CFAP46: variants seen among roughly 807,000 people sequenced by gnomAD.
The protein encoded by CFAP46 is cilia and flagella associated protein 46.
CFAP46 carries 245 observed loss-of-function variants against 325.7 expected under a neutral mutation model. The ratio of observed to expected loss-of-function variants is 0.75; its 90% confidence interval spans 0.68 to 0.84. The LOEUF (loss-of-function observed/expected upper bound fraction) is 0.84, where lower values mean the gene tolerates loss of function less well. Among genes scored for constraint, CFAP46 ranks in the 40% least tolerant of loss-of-function variants. The pLI, the probability that CFAP46 is intolerant of heterozygous loss-of-function variation, is 0.00. For missense variants in CFAP46, 3,346 were observed against 3,543.0 expected, an observed-to-expected ratio of 0.94 and a Z score of 1.41; for synonymous variants, 1,523 against 1,495.9, an observed-to-expected ratio of 1.02 and a Z score of -0.42.
rs1455139467 is a variant in CFAP46 at position 132,808,730 on chromosome 10, G to A, written c.7839C>T (p.Gly2613=). The A allele has an allele frequency of 6.4e-7, 1 of 1,571,424 alleles. No individual in the cohort carries two copies. The highest frequency in any genetic ancestry group is 1.9e-5 in the Admixed American group (1 of 52,798). ...GGGGATGGGTTGGCAGAGGGGCAGA[G>A]CCAAGGGCAGAGGCAAGTGCTGGGG... ...AGAPALASAL[G]SAPLPTHPHL... is the part of the protein sequence containing the mutation. The change falls in exon 58 of 58, where the codon GGC becomes GGT. Residue 2613 remains glycine (G), a synonymous_variant. Transcript: ENST00000368586. The surrounding 1 kb of genome is among the most constrained non-coding windows in gnomAD (Gnocchi z 6.8).
intron 44 of CFAP46, among the ~76,000 whole-genome samples, chr10:132,842,031 C>A (rs930263366): frequency 6.6e-6 from 1 of 152,254 alleles, no homozygotes; most frequent in African/African-American, 2.4e-5. Flanking sequence ...CTTGGCTCCT[C>A]TCCTGGGCAC....
chr10:132,888,968 A>C (rs1849218291), intron 25 of CFAP46, among the ~76,000 whole-genome samples: 2 of 151,984 alleles, frequency 1.3e-5, no homozygotes, highest in Admixed American at 1.3e-4. Flanking sequence ...CAGGTCAGGA[A>C]GGCTCCCGCC....
chr10:132,842,433 C>G (rs917460751), intron 44 of CFAP46, among the ~76,000 whole-genome samples: 6 of 152,220 alleles, frequency 3.9e-5, no homozygotes, highest in African/African-American at 1.4e-4. Context: ...GAGTTCCAAA[C>G]TTTCCCTTGT....
At position 132,915,227 on chromosome 10, in the gene CFAP46, T is replaced by G. The variant is rs538923202; in HGVS notation, c.2120+1322A>C. 7.2e-5 allele frequency among the ~76,000 whole-genome samples: 11 copies of G among 152,372 alleles called. No homozygotes were observed. In the East Asian group the frequency reaches 2.1e-3, roughly 29 times the overall value. On this transcript the variant is annotated intron_variant, in intron 17 of 57. Transcript: ENST00000368586. ...TAATTTTCAGACCCTCCTCTGTCTG[T>G]GAGCAGGCCCACCAGGAGTGCAGAG...
In CFAP46 at chr10:132,879,418, GGCCTCACCTGCCAGATGT is replaced by G. The variant is rs1430843542; in HGVS notation, c.3995_4005+7del. The G allele has an allele frequency of 5.3e-6, 8 of 1,500,880 alleles. No individual in the cohort carries two copies. Among genetic ancestry groups the G allele is most frequent in the Non-Finnish European group, 7.1e-6 (8 of 1,121,080 alleles). 93.0% of individuals were successfully genotyped at this position (1,500,880 alleles called of 1,614,324 possible). Reference sequence around the variant, plus strand: ...TGCAGGAGCAGGGGAGTCTGCGCTGGGCCTCACCTGCCAGATGTGCCTGAAGAAGGCGTAGGCTGCAAG... The same window carrying G: ...TGCAGGAGCAGGGGAGTCTGCGCTGGGCCTGAAGAAGGCGTAGGCTGCAAG... On this transcript the variant is annotated splice_donor_variant and splice_donor_5th_base_variant and coding_sequence_variant and intron_variant, in exon 29 of 58. Coordinates refer to ENST00000368586, the MANE Select transcript of CFAP46 (RefSeq NM_001200049.3). LOFTEE classifies it high-confidence loss of function.
At chr10:132,894,401 A>G (rs1380353714) in intron 24 of CFAP46, among the ~76,000 whole-genome samples, 1 of 152,208 alleles carries the variant, frequency 6.6e-6, no homozygotes, top group Non-Finnish European at 1.5e-5. Flanking sequence ...GTATTAAAGA[A>G]GGATCTCAAC....
Position 132,850,258 on chromosome 10 carries a change from C to T in CFAP46, c.5938G>A (p.Glu1980Lys). 1.9e-6 allele frequency: 3 copies of T among 1,550,760 alleles called. No individual in the cohort carries two copies. The highest frequency in any genetic ancestry group is 2.4e-5 in the East Asian group (1 of 40,924). Residue 1980 changes from glutamate to lysine, a missense_variant, in exon 41 of 58, where the codon GAG becomes AAG. Glu to Lys is a moderately conservative substitution (Grantham distance 56). Transcript: ENST00000368586. ...ADPVHPTCYW[E>K]AGPSVGAKLS... Reference sequence around the variant, plus strand: ...GGAGCACCTACCGAGGGGCCCGCCTCCCAGTAGCAGGTAGGGTGCACAGGG... The same window carrying T: ...GGAGCACCTACCGAGGGGCCCGCCTTCCAGTAGCAGGTAGGGTGCACAGGG...
In CFAP46 at chr10:132,912,824, G is replaced by C; in HGVS notation, c.2334-4C>G. The C allele has an allele frequency of 6.5e-7, 1 of 1,548,110 alleles. No individual in the cohort carries two copies. The highest frequency in any genetic ancestry group is 1.4e-5 in the African/African-American group (1 of 73,138). On this transcript the variant is annotated splice_region_variant and splice_polypyrimidine_tract_variant and intron_variant, in intron 18 of 57. Coordinates refer to ENST00000368586, the MANE Select transcript of CFAP46 (RefSeq NM_001200049.3). ...CGTCACCAGCATCACGGGGTCCCTGGGAGACATGCTTGTCAGAGGGAACCT... is the reference window on the plus strand; with the variant it reads ...CGTCACCAGCATCACGGGGTCCCTGCGAGACATGCTTGTCAGAGGGAACCT...
In CFAP46 at chr10:132,884,758, CTCTGCAGCCACCCGCCCA is replaced by C. The variant is rs1412932625; in HGVS notation, c.3627+327_3627+344del. 3.3e-5 allele frequency among the ~76,000 whole-genome samples: 5 copies of C among 151,992 alleles called. No homozygotes were observed. Among genetic ancestry groups the C allele is most frequent in the Non-Finnish European group, 7.4e-5 (5 of 67,994 alleles). On this transcript the variant is annotated intron_variant, in intron 27 of 57. Coordinates refer to ENST00000368586, the MANE Select transcript of CFAP46 (RefSeq NM_001200049.3). This position sits in a 1 kb window ranked among gnomAD's most constrained non-coding sequence, Gnocchi z 5.4. ...CCCATCGGGGCCCCTGCCTGCTCTC[CTCTGCAGCCACCCGCCCA>C]TCGGGGCCCTGGTGCCACCAGGGGA...
At chr10:132,836,708 G>A in intron 45 of CFAP46, 109 bp downstream of exon 45, 1 of 913,162 alleles carries the variant, frequency 1.1e-6, no homozygotes, top group Admixed American at 2.0e-5. Context: ...CCGAGTCCCA[G>A]GCCTCCCTGG....
Position 132,847,162 on chromosome 10 carries a change from C to CGAGGGGCAG in CFAP46, c.6087+16_6087+24dup, listed in dbSNP as rs775023071. 3 of 1,608,912 alleles carry CGAGGGGCAG rather than the reference C, an allele frequency of 1.9e-6. No homozygotes were observed. Among genetic ancestry groups the CGAGGGGCAG allele is most frequent in the Non-Finnish European group, 2.5e-6 (3 of 1,178,302 alleles). ...GGCCAGGCTCCGGGCAGAGGCCACA[C>CGAGGGGCAG]GAGGGGCAGGAGGGGCAGCCGCACC... On this transcript the variant is annotated intron_variant, in intron 42 of 57. Coordinates refer to ENST00000368586, the MANE Select transcript of CFAP46 (RefSeq NM_001200049.3). The surrounding 1 kb of genome is among the most constrained non-coding windows in gnomAD (Gnocchi z 5.2).
intron 39 of CFAP46, among the ~76,000 whole-genome samples, chr10:132,856,505 C>A (rs1386509405): frequency 1.3e-5 from 2 of 152,088 alleles, no homozygotes; most frequent in African/African-American, 4.8e-5. Flanking sequence ...AATTTTTGTT[C>A]TTTTTAATTT....
chr10:132,913,489 G>A (rs983207873), intron 17 of CFAP46, among the ~76,000 whole-genome samples: 1 of 152,176 alleles, frequency 6.6e-6, no homozygotes, highest in South Asian at 2.1e-4. Flanking sequence ...ACAGGAGCGC[G>A]AACCCTATTG....
In CFAP46 at chr10:132,922,610, G is replaced by A. The variant is rs992447853; in HGVS notation, c.1355C>T (p.Ala452Val). ...LEPATEHLRK[A>V]ARLDSLGLYR... is the part of the protein sequence containing the mutation. ...GAGGCCCAGGCTGTCCAGGCGCGCGGCTTTCCGGAGGTGCTCCGTGGCGGG... is the reference window on the plus strand; with the variant it reads ...GAGGCCCAGGCTGTCCAGGCGCGCGACTTTCCGGAGGTGCTCCGTGGCGGG... The change falls in exon 12 of 58, where the codon GCC becomes GTC. Residue 452 changes from alanine to valine, a missense_variant. Physicochemically the swap from Ala to Val is moderately conservative, Grantham distance 64. Transcript: ENST00000368586. The A allele has an allele frequency of 1.2e-5, 18 of 1,549,388 alleles. No individual in the cohort carries two copies. Among genetic ancestry groups the A allele is most frequent in the Middle Eastern group, 1.7e-4 (1 of 5,952 alleles).
chr10:132,870,419 G>C (rs1383520645), intron 32 of CFAP46, among the ~76,000 whole-genome samples: 1 of 152,230 alleles, frequency 6.6e-6, no homozygotes, highest in African/African-American at 2.4e-5. Context: ...AAGCGCGTCA[G>C]AAGTGGAGAC....
chr10:132,813,767 C>T (rs1428261979), intron 54 of CFAP46, among the ~76,000 whole-genome samples: 1 of 152,190 alleles, frequency 6.6e-6, no homozygotes, highest in East Asian at 1.9e-4. Flanking sequence ...ACCCGTGGTG[C>T]TCTCTCCCTG....
At chr10:132,861,114 G>C in intron 35 of CFAP46, 132 bp from the exon 36 acceptor site, 1 of 905,086 alleles carries the variant, frequency 1.1e-6, no homozygotes, top group Non-Finnish European at 1.7e-6. Context: ...GTGAGGGGAA[G>C]ACAGGGCTGC....
chr10:132,811,044 G>A lies in CFAP46; in HGVS notation c.7502-13C>T. Reference sequence around the variant, plus strand: ...GCCACCTGGCACTCTGCCGGGACGGGAAGGGCAGCTCAGCAGCCTTGGCCT... The same window carrying A: ...GCCACCTGGCACTCTGCCGGGACGGAAAGGGCAGCTCAGCAGCCTTGGCCT... On this transcript the variant is annotated splice_polypyrimidine_tract_variant and intron_variant, in intron 55 of 57. Coordinates refer to ENST00000368586, the MANE Select transcript of CFAP46 (RefSeq NM_001200049.3). 1.3e-6 allele frequency: 2 copies of A among 1,573,786 alleles called. No individual in the cohort carries two copies. The highest frequency in any genetic ancestry group is 1.7e-4 in the Middle Eastern group (1 of 6,026).
intron 50 of CFAP46, among the ~76,000 whole-genome samples, chr10:132,824,168 CTG>C (rs1847974513): frequency 8.9e-6 from 1 of 112,512 alleles, no homozygotes; most frequent in Non-Finnish European, 1.7e-5. Context: ...GTGCTGTGTG[CTG>C]TGTGAGCGCT....
Sources: gnomAD v4.1 joint callset for allele counts (sites outside exome capture counted in the v4.1 genomes callset) on GRCh38, gnomAD v4.1.1 for gene constraint, Gnocchi (gnomAD v3.1) non-coding constraint, MANE v1.5 for transcripts, NCBI Gene and HGNC (gene_info 2026-07-23, HGNC 2026-07-21) for gene names.